The following SLC39A11 variants were observed in gnomAD, a reference collection of about 807,000 sequenced individuals.
SLC39A11 encodes the protein solute carrier family 39 member 11, also known as zinc transporter ZIP11.
Under a neutral mutation model 36.1 loss-of-function variants are expected in SLC39A11, and 33 were observed. The observed-to-expected ratio is 0.91, with a 90% confidence interval of 0.69 to 1.22. The LOEUF is 1.22. Ranked by LOEUF, SLC39A11 falls within the 50% of genes most tolerant of loss-of-function variation. The pLI is 0.00. For missense variants in SLC39A11, 432 were observed against 430.3 expected (o/e 1.00, Z -0.03); for synonymous variants, 166 against 170.3 (o/e 0.97, Z 0.20).
intron 4 of SLC39A11, among the ~76,000 whole-genome samples, chr17:72,970,961 G>A (rs1242913559): frequency 6.6e-6 from 1 of 152,170 alleles, no homozygotes; most frequent in Non-Finnish European, 1.5e-5. Context: ...TGGGGCTCTG[G>A]GTGTCCCCAC....
At chr17:72,954,865 G>T (rs992745209) in intron 4 of SLC39A11, among the ~76,000 whole-genome samples, 1 of 152,194 alleles carries the variant, frequency 6.6e-6, no homozygotes, top group African/African-American at 2.4e-5. Flanking sequence ...AGACACTGAG[G>T]CAGAGGGTAC....
intron 3 of SLC39A11, among the ~76,000 whole-genome samples, chr17:73,038,187 G>A (rs1276874712): frequency 6.6e-6 from 1 of 152,012 alleles, no homozygotes; most frequent in Non-Finnish European, 1.5e-5. Flanking sequence ...TCACACCATG[G>A]TACTCCAGCC....
chr17:72,669,350 T>C (rs2070893637), intron 7 of SLC39A11, among the ~76,000 whole-genome samples: 1 of 152,210 alleles, frequency 6.6e-6, no homozygotes, highest in Admixed American at 6.5e-5. Flanking sequence ...GATCCCATGT[T>C]GCATTTAGTT....
At chr17:72,672,134 T>C (rs892703000) in intron 7 of SLC39A11, among the ~76,000 whole-genome samples, 6 of 152,168 alleles carry the variant, frequency 3.9e-5, no homozygotes, top group Non-Finnish European at 8.8e-5. Flanking sequence ...TAAATATGTA[T>C]ATAAACTCAA....
intron 6 of SLC39A11, among the ~76,000 whole-genome samples, chr17:72,758,023 C>T (rs1369281708): frequency 6.6e-6 from 1 of 152,012 alleles, no homozygotes; most frequent in East Asian, 1.9e-4. Flanking sequence ...GTAGCTGGTA[C>T]AACAGTTTTG....
At chr17:72,762,978 T>A (rs1175080329) in intron 6 of SLC39A11, among the ~76,000 whole-genome samples, 3 of 152,154 alleles carry the variant, frequency 2.0e-5, no homozygotes, top group Admixed American at 1.3e-4. Flanking sequence ...TGAGCATTGG[T>A]CCTTTTTGGA....
chr17:72,936,675 G>T (rs1476562580), intron 5 of SLC39A11, among the ~76,000 whole-genome samples: 1 of 152,116 alleles, frequency 6.6e-6, no homozygotes, highest in Non-Finnish European at 1.5e-5. Flanking sequence ...TCTCCCTGGA[G>T]AACAGCAGTT....
intron 4 of SLC39A11, among the ~76,000 whole-genome samples, chr17:72,987,123 T>A (rs565604568): frequency 1.3e-5 from 2 of 152,290 alleles, no homozygotes; most frequent in South Asian, 4.1e-4. Flanking sequence ...AGAGCACTGG[T>A]TGTTTGAAAG....
intron 7 of SLC39A11, among the ~76,000 whole-genome samples, chr17:72,673,679 T>C (rs2071122006): frequency 6.6e-6 from 1 of 152,234 alleles, no homozygotes; most frequent in African/African-American, 2.4e-5. Flanking sequence ...ACTGCTTGTA[T>C]TCCATTTGGG....
intron 4 of SLC39A11, among the ~76,000 whole-genome samples, chr17:72,951,385 C>A (rs2085855805): frequency 6.6e-6 from 1 of 151,936 alleles, no homozygotes; most frequent in South Asian, 2.1e-4. Flanking sequence ...ACTCACAGAC[C>A]CTCTTTTTAC....
intron 3 of SLC39A11, among the ~76,000 whole-genome samples, chr17:73,047,018 AT>A (rs1156504569): frequency 5.0e-5 from 7 of 140,778 alleles, no homozygotes; most frequent in African/African-American, 1.1e-4. Context: ...TTCTTTTTTT[AT>A]TTTATTTATT....
chr17:72,870,285 C>T (rs2080540754), intron 5 of SLC39A11, among the ~76,000 whole-genome samples: 1 of 150,158 alleles, frequency 6.7e-6, no homozygotes, highest in Admixed American at 6.7e-5. Flanking sequence ...CTCTCCCTAA[C>T]AAGCAGAGGC....
intron 6 of SLC39A11, among the ~76,000 whole-genome samples, chr17:72,765,734 T>C (rs995126190): frequency 6.6e-6 from 1 of 152,196 alleles, no homozygotes; most frequent in African/African-American, 2.4e-5. Context: ...AGGTGGCTAT[T>C]TTTCAAGCTG....
chr17:73,045,564 C>CTAAT (rs769562223), intron 3 of SLC39A11, among the ~76,000 whole-genome samples: 12 of 152,086 alleles, frequency 7.9e-5, no homozygotes, highest in Non-Finnish European at 7.3e-5. Context: ...TCAGCTACAC[C>CTAAT]TAATGTAAGA....
At chr17:72,669,454 G>A (rs2070897688) in intron 7 of SLC39A11, among the ~76,000 whole-genome samples, 1 of 152,114 alleles carries the variant, frequency 6.6e-6, no homozygotes, top group Admixed American at 6.6e-5. Flanking sequence ...CTATTTTGTA[G>A]AATGTCTCTC....
intron 4 of SLC39A11, among the ~76,000 whole-genome samples, chr17:72,987,507 A>G (rs2088846830): frequency 6.6e-6 from 1 of 152,210 alleles, no homozygotes; most frequent in East Asian, 1.9e-4. Context: ...ACAATCTACT[A>G]AAGAAATCAG....
At chr17:72,947,962 T>G (rs1315433313) in intron 4 of SLC39A11, 87 bp from the exon 5 acceptor site, 2 of 1,545,840 alleles carry the variant, frequency 1.3e-6, no homozygotes, top group East Asian at 4.5e-5. Context: ...CAAGGCAACT[T>G]GCCAGTCTCT....
intron 6 of SLC39A11, among the ~76,000 whole-genome samples, chr17:72,789,594 CT>C (rs1302116000): frequency 1.3e-5 from 2 of 152,230 alleles, no homozygotes; most frequent in Non-Finnish European, 2.9e-5. Context: ...TCAGCAAACA[CT>C]TATTGGTCAC....
intron 7 of SLC39A11, among the ~76,000 whole-genome samples, chr17:72,731,363 C>T (rs537697927): frequency 6.6e-6 from 1 of 152,276 alleles, no homozygotes; most frequent in African/African-American, 2.4e-5. Flanking sequence ...TCTGTGTCTC[C>T]GCCCACATCT....
Sources: allele counts gnomAD v4.1 joint callset (sites outside exome capture counted in the v4.1 genomes callset), GRCh38; gene constraint gnomAD v4.1.1; transcripts MANE v1.5; gene names NCBI Gene and HGNC (gene_info 2026-07-23, HGNC 2026-07-21).